Variants in FNDC1 observed in about 807,000 individuals in gnomAD.
The protein encoded by FNDC1 is fibronectin type III domain-containing protein 1.
Under a neutral mutation model 168.0 loss-of-function variants are expected in FNDC1, and 96 were observed. That is an observed-to-expected ratio of 0.57 (90% CI 0.48 to 0.68). FNDC1 has a LOEUF of 0.68. FNDC1 is among the 30% of genes least tolerant of loss of function. The pLI is 0.00. For synonymous variants in FNDC1, 1,099 were observed against 1,025.9 expected (o/e 1.07, Z -1.36); for missense variants, 2,587 against 2,482.1 (o/e 1.04, Z -0.90).
intron 1 of FNDC1, among the ~76,000 whole-genome samples, chr6:159,172,490 G>A (rs1445915878): frequency 6.6e-6 from 1 of 152,180 alleles, no homozygotes; most frequent in Non-Finnish European, 1.5e-5. Context: ...AAGCTTGAAA[G>A]TTTCCCAATA....
At chr6:159,207,724 A>G (rs895117141) in intron 4 of FNDC1, among the ~76,000 whole-genome samples, 2 of 152,254 alleles carry the variant, frequency 1.3e-5, no homozygotes, top group Non-Finnish European at 2.9e-5. Context: ...TTAAAAATTG[A>G]AGTAACCAAT....
At chr6:159,262,539 G>A (rs1019112322) in intron 19 of FNDC1, among the ~76,000 whole-genome samples, 11 of 152,128 alleles carry the variant, frequency 7.2e-5, no homozygotes, top group African/African-American at 2.4e-4. Flanking sequence ...GATTATGACT[G>A]CATTTCTAAA....
rs1463520487 is a variant in FNDC1 at position 159,221,638 on chromosome 6, C to T, written c.708C>T (p.Asn236=). 2 of 1,614,016 alleles carry T rather than the reference C, an allele frequency of 1.2e-6. No homozygotes were observed. The highest frequency in any genetic ancestry group is 2.2e-5 in the South Asian group (2 of 91,078). The part of the protein sequence containing the change: ...SVYVVSLQSM[N]SQGRSQPVYR... ...ATGTGGTCTCCCTGCAGTCCATGAA[C>T]TCTCAGGGCCGGAGCCAACCAGTCT... Residue 236 remains asparagine, a synonymous_variant, in exon 6 of 23, where the codon AAC becomes AAT. Coordinates refer to ENST00000297267, the MANE Select transcript of FNDC1 (RefSeq NM_032532.3).
chr6:159,172,349 G>A (rs143038514), intron 1 of FNDC1, among the ~76,000 whole-genome samples: 17 of 152,290 alleles, frequency 1.1e-4, no homozygotes, highest in East Asian at 3.9e-4. Flanking sequence ...GTATTTGGCC[G>A]ATGTTTTCTC....
chr6:159,172,221 G>A (rs1781677232), intron 1 of FNDC1, among the ~76,000 whole-genome samples: 1 of 152,234 alleles, frequency 6.6e-6, no homozygotes. Context: ...GGCAACCCCA[G>A]GGGGAAGCAC....
intron 4 of FNDC1, among the ~76,000 whole-genome samples, chr6:159,208,844 A>ATTTTTTTTT (rs369408600): frequency 2.3e-5 from 3 of 128,100 alleles, no homozygotes; most frequent in African/African-American, 6.1e-5. Context: ...GTTATTTTTA[A>ATTTTTTTTT]TTTTTTTTTT....
Position 159,234,197 on chromosome 6 carries a change from G to T in FNDC1, c.3685G>T (p.Ala1229Ser), listed in dbSNP as rs553504475. The change falls in exon 11 of 23, where the codon GCG (alanine) becomes TCG (serine). Residue 1229 changes from alanine (A) to serine (S), a missense_variant. Ala to Ser is a moderately conservative substitution (Grantham distance 99). Coordinates refer to ENST00000297267, the MANE Select transcript of FNDC1 (RefSeq NM_032532.3). ...CAAGGAAGAGAGGGAGCCTGCCATC[G>T]CGCTTGCCCCTCGCGGAGGGAGCCT... ...LAKEEREPAI[A>S]LAPRGGSLAP... The T allele has an allele frequency of 1.3e-6, 2 of 1,598,660 alleles. No homozygotes were observed. The highest frequency in any genetic ancestry group is 2.3e-5 in the South Asian group (2 of 88,672).
chr6:159,248,438 T>C lies in FNDC1; in HGVS notation c.4691-601T>C, dbSNP rs1047830049. Among the ~76,000 whole-genome samples the C allele has an allele frequency of 2.6e-5, 4 of 152,100 alleles. No homozygotes were observed. The East Asian group carries it at 7.7e-4, about 29-fold the overall frequency. ...CTTTTGCCTCAGCCTCCTGAGTAGCTGGGACTACAGGTGTGCGCCACCATG... is the reference window on the plus strand; with the variant it reads ...CTTTTGCCTCAGCCTCCTGAGTAGCCGGGACTACAGGTGTGCGCCACCATG... On this transcript the variant is annotated intron_variant, in intron 15 of 22. Coordinates refer to ENST00000297267, the MANE Select transcript of FNDC1 (RefSeq NM_032532.3).
chr6:159,203,744 G>A (rs1363488531), intron 4 of FNDC1, among the ~76,000 whole-genome samples: 1 of 152,040 alleles, frequency 6.6e-6, no homozygotes, highest in East Asian at 1.9e-4. Context: ...AGTTGTTTTG[G>A]CTTTTTTTGT....
chr6:159,241,004 G>T (rs1783407714), intron 14 of FNDC1: 1 of 152,168 alleles, frequency 6.6e-6, no homozygotes, highest in African/African-American at 2.4e-5. Flanking sequence ...TATCCAAAAT[G>T]GGAATTCTGT....
intron 2 of FNDC1, among the ~76,000 whole-genome samples, chr6:159,198,617 G>C (rs1012056337): frequency 6.6e-6 from 1 of 152,208 alleles, no homozygotes; most frequent in South Asian, 2.1e-4. Context: ...CAGATCAAAG[G>C]CGTGAGCAGA....
chr6:159,181,502 A>G (rs1781877229), intron 1 of FNDC1, among the ~76,000 whole-genome samples: 2 of 152,244 alleles, frequency 1.3e-5, no homozygotes, highest in Non-Finnish European at 2.9e-5. Context: ...TTTAGTAATA[A>G]AGAAGTTGGG....
intron 4 of FNDC1, among the ~76,000 whole-genome samples, chr6:159,211,878 T>G (rs939068772): frequency 6.6e-6 from 1 of 152,242 alleles, no homozygotes; most frequent in Non-Finnish European, 1.5e-5. Flanking sequence ...CTTCAGAGCC[T>G]GTGACTTCAA....
rs768660391 is a variant in FNDC1 at position 159,178,862 on chromosome 6, A to G, written c.109+9157A>G. On this transcript the variant is annotated intron_variant, in intron 1 of 22. Coordinates refer to ENST00000297267, the MANE Select transcript of FNDC1 (RefSeq NM_032532.3). ...TGGATTTTTGCAGTGACCTCTCCAT[A>G]GTCTCACTGCTCCTGTCCTCTCCCG... Among the ~76,000 whole-genome samples the G allele has an allele frequency of 8.6e-4, 130 of 151,580 alleles. 1 individual carries two copies. The highest frequency in any genetic ancestry group is 3.1e-4 in the Non-Finnish European group (21 of 67,950).
At chr6:159,223,500 CT>C in intron 6 of FNDC1, 27 bp from the exon 7 acceptor site, 4 of 1,502,456 alleles carry the variant, frequency 2.7e-6, no homozygotes, top group Non-Finnish European at 3.7e-6. Context: ...GAGAGAAAGC[CT>C]TTCTCTGGGT....
rs531544658 is a variant in FNDC1, at chr6:159,245,742, ATTTTTTTT to A, written c.4622-1142_4622-1135del. Among the ~76,000 whole-genome samples, 3 of 19,772 alleles carry A rather than the reference ATTTTTTTT, an allele frequency of 1.5e-4. 1 individual carries two copies. The East Asian group carries it at 1.6e-3, about 11-fold the overall frequency. 13.0% of individuals were successfully genotyped at this position (19,772 alleles called of 152,430 possible). On this transcript the variant is annotated intron_variant, in intron 14 of 22. Transcript: ENST00000297267. ...TAATATCAGTTTAGTCATTATGGTA[ATTTTTTTT>A]TTTTTTTTTTTTTTTTGAGACGGAG...
At chr6:159,256,763 A>T (rs1427087713) in intron 18 of FNDC1, 132 bp downstream of exon 18, 6 of 682,120 alleles carry the variant, frequency 8.8e-6, no homozygotes, top group Non-Finnish European at 1.6e-5. Context: ...TTCTAATAGA[A>T]TGTCAATGCA....
chr6:159,203,472 C>T (rs1003215018), intron 4 of FNDC1, among the ~76,000 whole-genome samples: 3 of 152,086 alleles, frequency 2.0e-5, no homozygotes, highest in African/African-American at 7.2e-5. Context: ...ACTGGTCAGT[C>T]GTCCAAATAT....
In FNDC1 at chr6:159,231,256, TC is replaced by T. The variant is rs1376681321; in HGVS notation, c.1370-623del. Among the ~76,000 whole-genome samples, 3 of 80,456 alleles carry T rather than the reference TC, an allele frequency of 3.7e-5. 1 individual carries two copies. Among genetic ancestry groups the T allele is most frequent in the Non-Finnish European group, 1.1e-4 (3 of 26,486 alleles). 52.8% of individuals were successfully genotyped at this position (80,456 alleles called of 152,430 possible). A position where few individuals can be genotyped will look rare whatever the true frequency, so the allele number is the denominator to read the frequency against. Reference sequence around the variant, plus strand: ...CGGGCGCGGTGGCGGGCGCCTGTAGTCCCAGCTACTCGGGAGGCTGAGGCAG... The same window carrying T: ...CGGGCGCGGTGGCGGGCGCCTGTAGTCCAGCTACTCGGGAGGCTGAGGCAG... On this transcript the variant is annotated intron_variant, in intron 10 of 22. Coordinates refer to ENST00000297267, the MANE Select transcript of FNDC1 (RefSeq NM_032532.3).
Sources: gnomAD v4.1 joint callset for allele counts (sites outside exome capture counted in the v4.1 genomes callset) on GRCh38, gnomAD v4.1.1 for gene constraint, MANE v1.5 for transcripts, NCBI Gene and HGNC (gene_info 2026-07-23, HGNC 2026-07-21) for gene names.